The following FBXL7 variants were observed in gnomAD, a reference collection of about 807,000 sequenced individuals.
FBXL7 encodes F-box/LRR-repeat protein 7.
Under a neutral mutation model 38.3 loss-of-function variants are expected in FBXL7, and 12 were observed. The ratio of observed to expected loss-of-function variants is 0.31; its 90% CI spans 0.20 to 0.51. The LOEUF (loss-of-function observed/expected upper bound fraction) is 0.51, where lower values mean the gene tolerates loss of function less well. Ranked by LOEUF, FBXL7 falls within the 20% of genes least tolerant of loss-of-function variation. The probability of loss-of-function intolerance (pLI) is 0.98; values close to 1 mark genes in which losing one functional copy is unlikely to be tolerated. For missense variants in FBXL7, 567 were observed against 676.4 expected (o/e 0.84, Z 1.79); for synonymous variants, 297 against 300.9 (o/e 0.99, Z 0.13).
At chr5:15,707,371 G>T (rs1384868048) in intron 2 of FBXL7, among the ~76,000 whole-genome samples, 1 of 151,874 alleles carries the variant, frequency 6.6e-6, no homozygotes, top group Non-Finnish European at 1.5e-5. Context: ...CTCATTTTCA[G>T]TAAAGAAACT....
chr5:15,791,804 C>T (rs889375589), intron 2 of FBXL7, among the ~76,000 whole-genome samples: 16 of 152,058 alleles, frequency 1.1e-4, no homozygotes, highest in African/African-American at 3.4e-4. Flanking sequence ...CTGGGCTGCC[C>T]GTTACTCAGT....
intron 1 of FBXL7, among the ~76,000 whole-genome samples, chr5:15,523,676 T>A (rs996441020): frequency 6.6e-6 from 1 of 152,170 alleles, no homozygotes; most frequent in African/African-American, 2.4e-5. Context: ...CCTGTTACCG[T>A]CCGTGGCGCC....
intron 2 of FBXL7, among the ~76,000 whole-genome samples, chr5:15,616,598 G>T (rs1441437706): frequency 1.3e-5 from 2 of 152,194 alleles, no homozygotes; most frequent in Non-Finnish European, 1.5e-5. Context: ...TCAGGACAAA[G>T]ATTGGTCGCA....
At chr5:15,788,609 A>T (rs1421487681) in intron 2 of FBXL7, among the ~76,000 whole-genome samples, 2 of 151,872 alleles carry the variant, frequency 1.3e-5, no homozygotes, top group Non-Finnish European at 2.9e-5. Context: ...TGTAGGTCCT[A>T]TGCCCTTTGC....
At chr5:15,728,970 T>C (rs1735499859) in intron 2 of FBXL7, among the ~76,000 whole-genome samples, 1 of 152,172 alleles carries the variant, frequency 6.6e-6, no homozygotes, top group South Asian at 2.1e-4. Flanking sequence ...TTTAGTTCCA[T>C]GTCATATAAT....
At chr5:15,553,657 C>CT (rs1320478821) in intron 1 of FBXL7, among the ~76,000 whole-genome samples, 2 of 152,070 alleles carry the variant, frequency 1.3e-5, no homozygotes, top group Non-Finnish European at 2.9e-5. Context: ...AAGAAGTTCA[C>CT]TTAACACTCA....
chr5:15,724,050 A>G (rs887439764), intron 2 of FBXL7, among the ~76,000 whole-genome samples: 7 of 152,172 alleles, frequency 4.6e-5, no homozygotes, highest in South Asian at 2.1e-4. Context: ...CCTCTTCTGT[A>G]TAAATTTTAA....
intron 2 of FBXL7, among the ~76,000 whole-genome samples, chr5:15,865,830 T>C (rs1048707230): frequency 6.6e-6 from 1 of 152,242 alleles, no homozygotes; most frequent in Non-Finnish European, 1.5e-5. Context: ...TGTTGTGAGA[T>C]GAAATGCTGG....
intron 2 of FBXL7, among the ~76,000 whole-genome samples, chr5:15,753,774 G>C (rs1399880422): frequency 6.6e-6 from 1 of 152,124 alleles, no homozygotes; most frequent in Non-Finnish European, 1.5e-5. Flanking sequence ...TAAGCAGTGG[G>C]ATCATCCCCC....
chr5:15,587,924 T>C (rs1213285364), intron 1 of FBXL7, among the ~76,000 whole-genome samples: 2 of 152,324 alleles, frequency 1.3e-5, no homozygotes, highest in South Asian at 2.1e-4. Flanking sequence ...CCCAGCTGTT[T>C]AGCATATGTT....
chr5:15,621,332 T>TC (rs968785415), intron 2 of FBXL7, among the ~76,000 whole-genome samples: 2 of 152,186 alleles, frequency 1.3e-5, no homozygotes, highest in African/African-American at 4.8e-5. Context: ...TTCCATTTTT[T>TC]CCCAACATAA....
At chr5:15,713,873 C>G (rs896988593) in intron 2 of FBXL7, among the ~76,000 whole-genome samples, 1 of 152,176 alleles carries the variant, frequency 6.6e-6, no homozygotes, top group Admixed American at 6.5e-5. Context: ...TATTATGTTA[C>G]ACTTAGCTGT....
intron 1 of FBXL7, among the ~76,000 whole-genome samples, chr5:15,556,942 G>C (rs1738254960): frequency 6.6e-6 from 1 of 152,122 alleles, no homozygotes; most frequent in African/African-American, 2.4e-5. Flanking sequence ...AAAGAAGCCA[G>C]ATTGTGGTTT....
intron 1 of FBXL7, among the ~76,000 whole-genome samples, chr5:15,555,189 C>T (rs1380259487): frequency 1.3e-5 from 2 of 152,160 alleles, no homozygotes; most frequent in Non-Finnish European, 2.9e-5. Context: ...TGTGTGCACG[C>T]ACAGACACAC....
chr5:15,868,709 C>T (rs949513980), intron 2 of FBXL7, among the ~76,000 whole-genome samples: 5 of 152,128 alleles, frequency 3.3e-5, no homozygotes, highest in Admixed American at 6.5e-5. Context: ...AGGATCTCCC[C>T]GCAGATGTCT....
intron 2 of FBXL7, among the ~76,000 whole-genome samples, chr5:15,879,140 CT>C (rs941585132): frequency 2.3e-4 from 35 of 152,238 alleles, no homozygotes; most frequent in Middle Eastern, 3.4e-3. Context: ...AGAAGTTCAT[CT>C]TTTTTTATCC....
At chr5:15,511,545 G>A (rs1329286305) in intron 1 of FBXL7, among the ~76,000 whole-genome samples, 3 of 152,240 alleles carry the variant, frequency 2.0e-5, no homozygotes, top group Non-Finnish European at 4.4e-5. Flanking sequence ...TAAAACAGCA[G>A]ATGCTATGGG....
chr5:15,512,478 T>C (rs899738191), intron 1 of FBXL7, among the ~76,000 whole-genome samples: 3 of 152,220 alleles, frequency 2.0e-5, no homozygotes, highest in Non-Finnish European at 4.4e-5. Flanking sequence ...TGATCTTTAT[T>C]GAGTCTAGGA....
chr5:15,927,785 A>AAG lies in FBXL7; in HGVS notation c.128-104_128-103insGA, dbSNP rs1554034855. ...ATCTTAAAAAAAAAAAAAAAAAAAA[A>AAG]AAGAAGAAGAAAGAAAAGAAAAGAA... On this transcript the variant is annotated intron_variant, in intron 2 of 3. Transcript: ENST00000504595. 42 of 801,566 alleles carry AAG rather than the reference A, an allele frequency of 5.2e-5. No individual in the cohort carries two copies. The African/African-American group carries it at 9.8e-4, about 19-fold the overall frequency. 49.7% of individuals were successfully genotyped at this position (801,566 alleles called of 1,614,324 possible).
Sources: allele counts gnomAD v4.1 joint callset (sites outside exome capture counted in the v4.1 genomes callset), GRCh38; gene constraint gnomAD v4.1.1; transcripts MANE v1.5; gene names NCBI Gene and HGNC (gene_info 2026-07-23, HGNC 2026-07-21).